The following ABAT variants were observed in gnomAD, a reference collection of about 807,000 sequenced individuals.
The protein encoded by ABAT is 4-aminobutyrate aminotransferase.
ABAT carries 45 observed loss-of-function variants against 64.6 expected under a neutral mutation model. That is an observed-to-expected ratio of 0.70 (90% CI 0.55 to 0.89). The LOEUF is 0.89. Ranked by LOEUF, ABAT falls within the 40% of genes least tolerant of loss-of-function variation. ABAT has a pLI of 0.00. For synonymous variants in ABAT, 297 were observed against 250.5 expected (o/e 1.19, Z -1.75); for missense variants, 633 against 658.4 (o/e 0.96, Z 0.42).
intron 6 of ABAT, among the ~76,000 whole-genome samples, chr16:8,759,579 C>T (rs188516455): frequency 6.0e-4 from 92 of 152,316 alleles, no homozygotes; most frequent in African/African-American, 2.1e-3. Flanking sequence ...GGGGTGCAAT[C>T]ATGGCTCACT....
chr16:8,725,433 C>A (rs1365228343), intron 1 of ABAT, among the ~76,000 whole-genome samples: 2 of 152,196 alleles, frequency 1.3e-5, no homozygotes, highest in African/African-American at 2.4e-5. Flanking sequence ...GATTCACCTA[C>A]TCTTGAAGGT....
chr16:8,688,537 C>A (rs1199552478), intron 1 of ABAT, among the ~76,000 whole-genome samples: 1 of 150,226 alleles, frequency 6.7e-6, no homozygotes, highest in Non-Finnish European at 1.5e-5. Flanking sequence ...TGGTAAAACA[C>A]TCAAACACTG....
intron 1 of ABAT, among the ~76,000 whole-genome samples, chr16:8,685,690 AAAAC>A (rs1219061922): frequency 6.6e-6 from 1 of 152,186 alleles, no homozygotes; most frequent in Admixed American, 6.5e-5. Context: ...CAAAAACAAA[AAAAC>A]AAACAACAGC....
chr16:8,736,119 G>T (rs2058923836), intron 2 of ABAT: 11 of 376,900 alleles, frequency 2.9e-5, no homozygotes, highest in South Asian at 2.8e-4. Flanking sequence ...GCATGTGCAG[G>T]GGAACTCCCG....
chr16:8,676,031 G>A (rs1410623914), intron 1 of ABAT, among the ~76,000 whole-genome samples: 1 of 149,876 alleles, frequency 6.7e-6, no homozygotes, highest in Non-Finnish European at 1.5e-5. Context: ...GGATGTTGGT[G>A]ACCTGGGGGT....
chr16:8,690,746 T>A (rs1434110128), intron 1 of ABAT, among the ~76,000 whole-genome samples: 1 of 152,238 alleles, frequency 6.6e-6, no homozygotes, highest in Non-Finnish European at 1.5e-5. Context: ...AAGGTAAATA[T>A]CTGCTGGGTT....
At chr16:8,732,676 C>T (rs1025732797) in intron 1 of ABAT, among the ~76,000 whole-genome samples, 16 of 151,478 alleles carry the variant, frequency 1.1e-4, no homozygotes, top group African/African-American at 3.7e-4. Flanking sequence ...CCACCTTTCC[C>T]GCCTTTCTAT....
chr16:8,737,945 G>GA (rs1487235344), intron 2 of ABAT, among the ~76,000 whole-genome samples: 7 of 7,814 alleles, frequency 9.0e-4, no homozygotes, highest in East Asian at 6.1e-3. Context: ...GAAAGGAAAG[G>GA]AAGAAAGGAA....
At chr16:8,686,873 TGAA>T (rs2057467466) in intron 1 of ABAT, among the ~76,000 whole-genome samples, 1 of 152,182 alleles carries the variant, frequency 6.6e-6, no homozygotes, top group Non-Finnish European at 1.5e-5. Context: ...TCATCAATGC[TGAA>T]TATGAACTGA....
intron 1 of ABAT, among the ~76,000 whole-genome samples, chr16:8,731,106 G>A (rs946159945): frequency 1.9e-4 from 29 of 152,248 alleles, no homozygotes; most frequent in African/African-American, 6.3e-4. Context: ...GGGATTACAG[G>A]CGTGCACCAC....
At chr16:8,738,936 C>T (rs1250339807) in intron 2 of ABAT, among the ~76,000 whole-genome samples, 1 of 152,208 alleles carries the variant, frequency 6.6e-6, no homozygotes, top group Non-Finnish European at 1.5e-5. Context: ...TGAGCCACTG[C>T]ACCTGGCCAA....
intron 11 of ABAT, among the ~76,000 whole-genome samples, chr16:8,772,540 G>A (rs1404349819): frequency 6.6e-6 from 1 of 152,216 alleles, no homozygotes; most frequent in Non-Finnish European, 1.5e-5. Context: ...GGCTTCTGAA[G>A]CTAAATTACT....
intron 1 of ABAT, among the ~76,000 whole-genome samples, chr16:8,700,803 A>G (rs1430905312): frequency 6.6e-6 from 1 of 151,524 alleles, no homozygotes; most frequent in East Asian, 1.9e-4. Context: ...ACAGAGTCTC[A>G]CTATGTTGCT....
intron 8 of ABAT, chr16:8,765,892 A>C (rs1372963333): frequency 5.3e-5 from 19 of 356,978 alleles, no homozygotes; most frequent in Non-Finnish European, 4.3e-5. Context: ...CCAAAGTACT[A>C]GGATTACAGA....
rs9937726 is a variant in ABAT at position 8,772,725 on chromosome 16, G to A, written c.817-55G>A. ...CATCGAACCCCAGATTCCCACCCAC[G>A]GATACTGGTCACAAGCCTCTGCCAT... On this transcript the variant is annotated intron_variant, in intron 11 of 15. Coordinates refer to ENST00000268251, the MANE Select transcript of ABAT (RefSeq NM_020686.6). The A allele has an allele frequency of 0.057, 92,007 of 1,612,518 alleles. 4,137 individuals carry two copies. Among genetic ancestry groups the A allele is most frequent in the African/African-American group, 0.22 (16,634 of 74,884 alleles).
At chr16:8,701,764 CT>C (rs2057828784) in intron 1 of ABAT, among the ~76,000 whole-genome samples, 1 of 152,110 alleles carries the variant, frequency 6.6e-6, no homozygotes, top group Non-Finnish European at 1.5e-5. Context: ...AGGGGTGCAA[CT>C]GAAAATCAGA....
intron 15 of ABAT, 73 bp downstream of exon 15, chr16:8,779,663 A>G: frequency 1.6e-6 from 2 of 1,251,598 alleles, no homozygotes; most frequent in Non-Finnish European, 2.3e-6. Flanking sequence ...ACATGTTGCT[A>G]GGTACTCAGC....
At chr16:8,762,325 C>A (rs537192669) in intron 6 of ABAT, among the ~76,000 whole-genome samples, 1 of 152,254 alleles carries the variant, frequency 6.6e-6, no homozygotes, top group Non-Finnish European at 1.5e-5. Flanking sequence ...ACCTCTGGGT[C>A]TTTCCCTCTG....
intron 1 of ABAT, among the ~76,000 whole-genome samples, chr16:8,721,457 G>A (rs1348836575): frequency 6.6e-6 from 1 of 152,194 alleles, no homozygotes; most frequent in Non-Finnish European, 1.5e-5. Context: ...TACTTAGTCT[G>A]GGTGGGGCTT....
Sources: allele counts gnomAD v4.1 joint callset (sites outside exome capture counted in the v4.1 genomes callset), GRCh38; gene constraint gnomAD v4.1.1; transcripts MANE v1.5; gene names NCBI Gene and HGNC (gene_info 2026-07-23, HGNC 2026-07-21).